Variants in ST6GALNAC3 observed in about 807,000 individuals in gnomAD.
ST6GALNAC3 encodes the protein ST6 N-acetylgalactosaminide alpha-2,6-sialyltransferase 3, also known as alpha-N-acetylgalactosaminide alpha-2,6-sialyltransferase 3.
ST6GALNAC3 carries 25 observed loss-of-function variants against 32.7 expected under a neutral mutation model. That is an observed-to-expected ratio of 0.76 (90% CI 0.56 to 1.07). ST6GALNAC3 has a LOEUF of 1.07. Among genes scored for constraint, ST6GALNAC3 ranks in the 50% least tolerant of loss-of-function variants. ST6GALNAC3 has a pLI of 0.00. For missense variants in ST6GALNAC3, 355 were observed against 382.4 expected (o/e 0.93, Z 0.60); for synonymous variants, 129 against 133.1 (o/e 0.97, Z 0.21).
At chr1:76,212,276 C>T (rs1413315954) in intron 1 of ST6GALNAC3, among the ~76,000 whole-genome samples, 1 of 152,082 alleles carries the variant, frequency 6.6e-6, no homozygotes, top group East Asian at 1.9e-4. Context: ...GAAACTGCTC[C>T]CCTATGTTAA....
At chr1:76,422,371 G>T (rs1453121937) in intron 3 of ST6GALNAC3, among the ~76,000 whole-genome samples, 1 of 151,990 alleles carries the variant, frequency 6.6e-6, no homozygotes, top group African/African-American at 2.4e-5. Flanking sequence ...ACAAAAAGGT[G>T]CTAGTATTGA....
intron 1 of ST6GALNAC3, among the ~76,000 whole-genome samples, chr1:76,252,796 C>T (rs894161420): frequency 1.1e-4 from 17 of 152,090 alleles, no homozygotes; most frequent in African/African-American, 3.1e-4. Context: ...ATTGGTAAGC[C>T]GCTCTGTGAT....
In ST6GALNAC3 at chr1:76,547,861, C is replaced by CAA. The variant is rs34464699; in HGVS notation, c.624-79573_624-79572dup. Among the ~76,000 whole-genome samples, 119 of 123,346 alleles carry CAA rather than the reference C, an allele frequency of 9.6e-4. 1 individual carries two copies. Among genetic ancestry groups the CAA allele is most frequent in the African/African-American group, 3.7e-3 (115 of 31,300 alleles). The allele number at this position is 123,346 out of a possible 152,430, so 80.9% of individuals were successfully genotyped here. Reference sequence around the variant, plus strand: ...CCAGCGACAATGCGAGATTCTGTCTCAAAAAAAAAAAAAAAAAAATCAACC... The same window carrying CAA: ...CCAGCGACAATGCGAGATTCTGTCTCAAAAAAAAAAAAAAAAAAAAATCAACC... On this transcript the variant is annotated intron_variant, in intron 3 of 4. Coordinates refer to ENST00000328299, the MANE Select transcript of ST6GALNAC3 (RefSeq NM_152996.4).
intron 3 of ST6GALNAC3, among the ~76,000 whole-genome samples, chr1:76,444,109 C>T (rs1181895064): frequency 6.6e-6 from 1 of 152,188 alleles, no homozygotes; most frequent in Non-Finnish European, 1.5e-5. Context: ...TGGTCAACTA[C>T]CTGGCTTTAC....
At chr1:76,523,278 A>G (rs1662664876) in intron 3 of ST6GALNAC3, among the ~76,000 whole-genome samples, 1 of 151,840 alleles carries the variant, frequency 6.6e-6, no homozygotes, top group East Asian at 1.9e-4. Flanking sequence ...TTTCTTATTC[A>G]TGTTATTCAT....
At chr1:76,529,387 T>C (rs548884461) in intron 3 of ST6GALNAC3, among the ~76,000 whole-genome samples, 1 of 152,268 alleles carries the variant, frequency 6.6e-6, no homozygotes, top group African/African-American at 2.4e-5. Context: ...AACTAACATA[T>C]TCTAAAATGA....
chr1:76,309,274 T>C (rs977569068), intron 1 of ST6GALNAC3, among the ~76,000 whole-genome samples: 19 of 151,752 alleles, frequency 1.3e-4, no homozygotes, highest in African/African-American at 4.6e-4. Flanking sequence ...TATTTCGGTT[T>C]TTTCAGCACC....
At chr1:76,429,351 G>A (rs1655598372) in intron 3 of ST6GALNAC3, among the ~76,000 whole-genome samples, 1 of 152,078 alleles carries the variant, frequency 6.6e-6, no homozygotes, top group Non-Finnish European at 1.5e-5. Flanking sequence ...CTATACTTTT[G>A]TTAGAATTAA....
At chr1:76,498,679 G>C (rs144647009) in intron 3 of ST6GALNAC3, among the ~76,000 whole-genome samples, 1 of 151,438 alleles carries the variant, frequency 6.6e-6, no homozygotes, top group East Asian at 2.0e-4. Context: ...ACTTTGAGGA[G>C]TTAAAAGCTT....
intron 3 of ST6GALNAC3, among the ~76,000 whole-genome samples, chr1:76,455,559 C>T (rs1400871694): frequency 6.6e-6 from 1 of 152,112 alleles, no homozygotes; most frequent in Non-Finnish European, 1.5e-5. Flanking sequence ...GAGGATCTCA[C>T]CATTCTGTGT....
intron 3 of ST6GALNAC3, among the ~76,000 whole-genome samples, chr1:76,548,779 AC>A (rs994814061): frequency 6.6e-6 from 1 of 151,556 alleles, no homozygotes; most frequent in African/African-American, 2.4e-5. Flanking sequence ...TCCCTCTCCT[AC>A]CCCCCATTTA....
chr1:76,195,229 T>C (rs1257659072), intron 1 of ST6GALNAC3, among the ~76,000 whole-genome samples: 1 of 152,216 alleles, frequency 6.6e-6, no homozygotes, highest in African/African-American at 2.4e-5. Flanking sequence ...AGAAAACATC[T>C]GCCAACTGCC....
chr1:76,507,346 A>G (rs925209003), intron 3 of ST6GALNAC3, among the ~76,000 whole-genome samples: 1 of 152,196 alleles, frequency 6.6e-6, no homozygotes, highest in Non-Finnish European at 1.5e-5. Flanking sequence ...GGCTTTTAGT[A>G]TATTCAGAGT....
At chr1:76,173,561 G>A (rs1392894392) in intron 1 of ST6GALNAC3, among the ~76,000 whole-genome samples, 1 of 151,496 alleles carries the variant, frequency 6.6e-6, no homozygotes, top group African/African-American at 2.4e-5. Context: ...CTACAGAATG[G>A]TAGAACATTT....
At chr1:76,167,743 A>G (rs937232987) in intron 1 of ST6GALNAC3, among the ~76,000 whole-genome samples, 2 of 152,094 alleles carry the variant, frequency 1.3e-5, no homozygotes, top group Non-Finnish European at 2.9e-5. Flanking sequence ...AAATGTATCA[A>G]TTTCTTCTAG....
At chr1:76,571,076 G>A (rs1338678623) in intron 3 of ST6GALNAC3, among the ~76,000 whole-genome samples, 1 of 151,984 alleles carries the variant, frequency 6.6e-6, no homozygotes, top group African/African-American at 2.4e-5. Flanking sequence ...CTTCTATCCA[G>A]GCCTAAAACT....
At chr1:76,408,525 T>C (rs1222247498) in intron 2 of ST6GALNAC3, among the ~76,000 whole-genome samples, 2 of 152,130 alleles carry the variant, frequency 1.3e-5, no homozygotes, top group Non-Finnish European at 2.9e-5. Context: ...GTTAGTTAGC[T>C]GCTGACCTCA....
At chr1:76,311,728 C>A (rs1347371733) in intron 1 of ST6GALNAC3, among the ~76,000 whole-genome samples, 1 of 152,082 alleles carries the variant, frequency 6.6e-6, no homozygotes, top group Admixed American at 6.6e-5. Flanking sequence ...GTGAATGGTG[C>A]TGCAATAAAC....
At chr1:76,142,921 G>A (rs922092893) in intron 1 of ST6GALNAC3, 57 of 446,650 alleles carry the variant, frequency 1.3e-4, no homozygotes, top group Admixed American at 1.2e-3. Context: ...TGGGCACACC[G>A]TATCTTTTAT....
Sources: gnomAD v4.1 joint callset for allele counts (sites outside exome capture counted in the v4.1 genomes callset) on GRCh38, gnomAD v4.1.1 for gene constraint, MANE v1.5 for transcripts, NCBI Gene and HGNC (gene_info 2026-07-23, HGNC 2026-07-21) for gene names.